PLPP4: variants seen among roughly 807,000 people sequenced by gnomAD.
PLPP4 encodes the protein phospholipid phosphatase 4, also known as diacylglycerol pyrophosphate like 2.
PLPP4 carries 20 observed loss-of-function variants against 32.2 expected under a neutral mutation model. The ratio of observed to expected loss-of-function variants is 0.62; its 90% CI spans 0.44 to 0.90. PLPP4 has a LOEUF of 0.90. Among genes scored for constraint, PLPP4 ranks in the 40% least tolerant of loss-of-function variants. The probability of loss-of-function intolerance (pLI) is 0.00; values close to 1 mark genes in which losing one functional copy is unlikely to be tolerated. For missense variants in PLPP4, 257 were observed against 353.1 expected (o/e 0.73, Z 2.18); for synonymous variants, 127 against 133.0 (o/e 0.95, Z 0.31).
At position 120,497,399 on chromosome 10, in the gene PLPP4, C is replaced by A. The variant is rs1251552243; in HGVS notation, c.57-6419C>A. Among the ~76,000 whole-genome samples the A allele has an allele frequency of 2.0e-5, 3 of 152,090 alleles. No individual in the cohort carries two copies. In the East Asian group the frequency reaches 5.8e-4, roughly 30 times the overall value. ...TACATCCTTTTGCTTGCCTTCCACT[C>A]ACTTAATTTCAGGCAGTGTGTATGT... On this transcript the variant is annotated intron_variant, in intron 1 of 6. Transcript: ENST00000398250.
chr10:120,462,035 T>C (rs773337244), intron 1 of PLPP4, among the ~76,000 whole-genome samples: 73 of 152,246 alleles, frequency 4.8e-4, no homozygotes, highest in Non-Finnish European at 9.6e-4. Context: ...CTGGGGACAG[T>C]TGGAGCAAGG....
At chr10:120,557,298 A>G (rs1190919907) in intron 5 of PLPP4, among the ~76,000 whole-genome samples, 1 of 152,208 alleles carries the variant, frequency 6.6e-6, no homozygotes, top group Non-Finnish European at 1.5e-5. Context: ...GGCCAGTTTC[A>G]TTTATTCTGA....
intron 1 of PLPP4, among the ~76,000 whole-genome samples, chr10:120,460,841 A>G (rs975730289): frequency 6.6e-6 from 1 of 152,186 alleles, no homozygotes; most frequent in Non-Finnish European, 1.5e-5. Context: ...TTCCCACTTT[A>G]CAAACAAAGA....
rs1342092898 is a variant in PLPP4 at position 120,591,459 on chromosome 10, T to G, written c.*1957T>G. On this transcript the variant is annotated 3_prime_UTR_variant, in exon 7 of 7. Transcript: ENST00000398250. ...GATGAATGTGAGATATTTTAAGAGA[T>G]AAATCATAGCAATTGAAAAGACATA... Among the ~76,000 whole-genome samples the G allele has an allele frequency of 6.6e-6, 1 of 152,208 alleles. No homozygotes were observed.
In PLPP4 at chr10:120,480,870, T is replaced by C. The variant is rs1004717845; in HGVS notation, c.57-22948T>C. Among the ~76,000 whole-genome samples, 7 of 152,236 alleles carry C rather than the reference T, an allele frequency of 4.6e-5. No individual in the cohort carries two copies. The South Asian group carries it at 1.0e-3, about 23-fold the overall frequency. ...TGATTTTCAGGCCCAAGTTGGGCTC[T>C]ACTTTATCTGAGGAGCTTTCCCTAA... On this transcript the variant is annotated intron_variant, in intron 1 of 6. Transcript: ENST00000398250.
At chr10:120,463,720 C>G (rs1049700168) in intron 1 of PLPP4, among the ~76,000 whole-genome samples, 1 of 152,222 alleles carries the variant, frequency 6.6e-6, no homozygotes, top group Non-Finnish European at 1.5e-5. Flanking sequence ...GAGTCTCTCT[C>G]TGTTGCCCAG....
At chr10:120,513,402 T>C (rs1390342315) in intron 2 of PLPP4, among the ~76,000 whole-genome samples, 2 of 152,168 alleles carry the variant, frequency 1.3e-5, no homozygotes, top group Admixed American at 6.5e-5. Flanking sequence ...GGAAAGGGTA[T>C]AGAGGAAGGA....
At chr10:120,519,261 C>T (rs1021396918) in intron 4 of PLPP4, among the ~76,000 whole-genome samples, 2 of 152,118 alleles carry the variant, frequency 1.3e-5, no homozygotes, top group African/African-American at 2.4e-5. Context: ...CAGGATGAGA[C>T]ATATGGATTG....
chr10:120,463,363 G>A (rs1848161476), intron 1 of PLPP4, among the ~76,000 whole-genome samples: 3 of 152,148 alleles, frequency 2.0e-5, no homozygotes, highest in Admixed American at 6.5e-5. Flanking sequence ...GAAGCAAAGA[G>A]CTATAACAAA....
chr10:120,563,776 C>T (rs112721479), intron 5 of PLPP4, among the ~76,000 whole-genome samples: 2,888 of 99,826 alleles, frequency 0.029, 54 homozygotes, highest in Admixed American at 0.062. Flanking sequence ...GTCCGCAGTC[C>T]GGCCTGGGCG....
intron 5 of PLPP4, among the ~76,000 whole-genome samples, chr10:120,544,186 C>G (rs1847499098): frequency 6.6e-6 from 1 of 152,148 alleles, no homozygotes; most frequent in Non-Finnish European, 1.5e-5. Flanking sequence ...TTTGAGGAAC[C>G]ACTATACTGC....
At chr10:120,574,791 G>A (rs1350063345) in intron 5 of PLPP4, among the ~76,000 whole-genome samples, 1 of 152,176 alleles carries the variant, frequency 6.6e-6, no homozygotes, top group Non-Finnish European at 1.5e-5. Context: ...TAGACCATGA[G>A]CCTCTTGACT....
rs1252902557 is a variant in PLPP4, at chr10:120,589,770, C to T, written c.*268C>T. On this transcript the variant is annotated 3_prime_UTR_variant, in exon 7 of 7. Transcript: ENST00000398250. Reference sequence around the variant, plus strand: ...GGTTTGGGGAGCTTGGCCGATTCGTCTATCTGAAATGTTTGCTGTAACAGC... The same window carrying T: ...GGTTTGGGGAGCTTGGCCGATTCGTTTATCTGAAATGTTTGCTGTAACAGC... 1 of 417,868 alleles carries T rather than the reference C, an allele frequency of 2.4e-6. No individual in the cohort carries two copies. Among genetic ancestry groups the T allele is most frequent in the Non-Finnish European group, 4.3e-6 (1 of 234,098 alleles). The allele number at this position is 417,868 out of a possible 1,614,324, so 25.9% of individuals were successfully genotyped here.
In PLPP4 at chr10:120,591,314, G is replaced by A. The variant is rs1262998759; in HGVS notation, c.*1812G>A. On this transcript the variant is annotated 3_prime_UTR_variant, in exon 7 of 7. Transcript: ENST00000398250. ...GGTCCTTCCAAACTGGCTTTGGCAC[G>A]GTCATGTGATTGTCCCCTGGATGGA... is the stretch of plus-strand genomic sequence containing the variant. Among the ~76,000 whole-genome samples, 1 of 152,090 alleles carries A rather than the reference G, an allele frequency of 6.6e-6. No individual in the cohort carries two copies. The highest frequency in any genetic ancestry group is 6.5e-5 in the Admixed American group (1 of 15,272).
upstream of PLPP4, chr10:120,457,182 G>A: frequency 1.7e-6 from 1 of 604,952 alleles, no homozygotes; most frequent in Non-Finnish European, 2.3e-6. Context: ...GCCCGCCTCC[G>A]CCCCCGCCCG....
intron 1 of PLPP4, among the ~76,000 whole-genome samples, chr10:120,464,835 T>G (rs1187048844): frequency 6.6e-6 from 1 of 152,226 alleles, no homozygotes; most frequent in African/African-American, 2.4e-5. Context: ...TCAGCCCATC[T>G]GTGCATGCTG....
chr10:120,486,067 A>G (rs1844433487), intron 1 of PLPP4, among the ~76,000 whole-genome samples: 1 of 152,178 alleles, frequency 6.6e-6, no homozygotes, highest in Non-Finnish European at 1.5e-5. Flanking sequence ...ATAAATGGAG[A>G]AACCGAGGTT....
rs778019527 is a variant in PLPP4 at position 120,553,308 on chromosome 10, G to A, written c.446-21823G>A. ...CATTTGAGAGGTGATTAAGTCATAG[G>A]GCCTAATGATAGGTCATAGGGTCAT... On this transcript the variant is annotated intron_variant, in intron 5 of 6. Coordinates refer to ENST00000398250, the MANE Select transcript of PLPP4 (RefSeq NM_001030059.3). Among the ~76,000 whole-genome samples the A allele has an allele frequency of 5.3e-4, 81 of 152,116 alleles. 1 individual carries two copies. Among genetic ancestry groups the A allele is most frequent in the Admixed American group, 3.9e-4 (6 of 15,274 alleles).
At chr10:120,514,125 CAAGAT>C in intron 3 of PLPP4, 124 bp downstream of exon 3, 1 of 779,474 alleles carries the variant, frequency 1.3e-6, no homozygotes, top group Non-Finnish European at 2.3e-6. Flanking sequence ...TGGGGAGGAA[CAAGAT>C]AAGATAAAGA....
Sources: gnomAD v4.1 joint callset for allele counts (sites outside exome capture counted in the v4.1 genomes callset) on GRCh38, gnomAD v4.1.1 for gene constraint, MANE v1.5 for transcripts, NCBI Gene and HGNC (gene_info 2026-07-23, HGNC 2026-07-21) for gene names.